TNKS: variants seen among roughly 807,000 people sequenced by gnomAD.
TNKS encodes the protein poly [ADP-ribose] polymerase tankyrase-1.
Under a neutral mutation model 135.8 loss-of-function variants are expected in TNKS, and 72 were observed. The ratio of observed to expected loss-of-function variants is 0.53; its 90% CI spans 0.44 to 0.64. The LOEUF (loss-of-function observed/expected upper bound fraction) is 0.64. TNKS is among the 30% of genes least tolerant of loss of function. The pLI is 0.00. For missense variants in TNKS, 1,769 were observed against 1,674.0 expected, an observed-to-expected ratio of 1.06 and a Z score of -0.99; for synonymous variants, 849 against 649.3, an observed-to-expected ratio of 1.31 and a Z score of -4.68.
chr8:9,654,664 G>A (rs575983589), intron 3 of TNKS, among the ~76,000 whole-genome samples: 2 of 152,206 alleles, frequency 1.3e-5, no homozygotes, highest in Non-Finnish European at 2.9e-5. Context: ...TGTACCTCTA[G>A]ATGATAGATT....
At chr8:9,721,844 G>C (rs1329569041) in intron 12 of TNKS, among the ~76,000 whole-genome samples, 2 of 151,048 alleles carry the variant, frequency 1.3e-5, no homozygotes, top group African/African-American at 4.8e-5. Context: ...ACGAGGTCAG[G>C]AGTTCCAGAC....
At chr8:9,767,278 T>A (rs1195164293) in intron 25 of TNKS, among the ~76,000 whole-genome samples, 2 of 152,202 alleles carry the variant, frequency 1.3e-5, no homozygotes, top group African/African-American at 2.4e-5. Context: ...TTGGAGAGAA[T>A]AATGGTATAA....
At chr8:9,631,679 C>G (rs1800294825) in intron 3 of TNKS, among the ~76,000 whole-genome samples, 1 of 149,902 alleles carries the variant, frequency 6.7e-6, no homozygotes, top group African/African-American at 2.5e-5. Flanking sequence ...TTTTCCAACT[C>G]TTTTTTTGAC....
intron 3 of TNKS, among the ~76,000 whole-genome samples, chr8:9,672,816 C>G (rs143405932): frequency 2.0e-5 from 3 of 151,964 alleles, no homozygotes; most frequent in African/African-American, 7.2e-5. Context: ...AGCTCCCAGA[C>G]TGAACACATA....
chr8:9,674,994 C>T (rs748496165), intron 3 of TNKS, among the ~76,000 whole-genome samples: 6 of 152,218 alleles, frequency 3.9e-5, no homozygotes, highest in Non-Finnish European at 7.4e-5. Context: ...TTGTAATTTA[C>T]CCCAGTTGTT....
chr8:9,740,972 G>C (rs1805927736), intron 17 of TNKS: 1 of 151,750 alleles, frequency 6.6e-6, no homozygotes, highest in Admixed American at 6.6e-5. Context: ...ACCACGCCCA[G>C]CTAATTTTTT....
intron 25 of TNKS, among the ~76,000 whole-genome samples, chr8:9,769,090 G>T (rs1404565436): frequency 6.6e-6 from 1 of 152,170 alleles, no homozygotes; most frequent in African/African-American, 2.4e-5. Flanking sequence ...TTCTTTAAGG[G>T]ATATATAATA....
chr8:9,614,507 A>G (rs1201211843), intron 2 of TNKS, among the ~76,000 whole-genome samples: 1 of 152,212 alleles, frequency 6.6e-6, no homozygotes, highest in African/African-American at 2.4e-5. Flanking sequence ...TGGCTAATAC[A>G]TTAAAGGAAA....
At chr8:9,601,700 G>A (rs1352091793) in intron 2 of TNKS, among the ~76,000 whole-genome samples, 1 of 151,904 alleles carries the variant, frequency 6.6e-6, no homozygotes, top group African/African-American at 2.4e-5. Flanking sequence ...TATCCTTTGT[G>A]ATAAAAAAGC....
chr8:9,648,246 A>T (rs1281210569), intron 3 of TNKS, among the ~76,000 whole-genome samples: 1 of 152,124 alleles, frequency 6.6e-6, no homozygotes, highest in African/African-American at 2.4e-5. Context: ...CGATGAATTA[A>T]CCTTAGCTTC....
Position 9,761,556 on chromosome 8 carries a change from T to G in TNKS, c.3194T>G (p.Leu1065Trp). Reference protein sequence around the residue: ...DVLADMGHEELKEIGINAYGH... With the variant: ...DVLADMGHEEWKEIGINAYGH... ...TTGGCTGATATGGGTCATGAAGAGT[T>G]GAAAGAAATAGGCATCAATGCATAT... The change falls in exon 21 of 27, where the codon TTG becomes TGG. Residue 1065 changes from leucine to tryptophan, a missense_variant. By Grantham distance (61) the Leu-to-Trp change is moderately conservative. Coordinates refer to ENST00000310430, the MANE Select transcript of TNKS (RefSeq NM_003747.3). 1 of 1,611,876 alleles carries G rather than the reference T, an allele frequency of 6.2e-7. No individual in the cohort carries two copies. Among genetic ancestry groups the G allele is most frequent in the Non-Finnish European group, 8.5e-7 (1 of 1,179,594 alleles).
intron 22 of TNKS, 98 bp downstream of exon 22, chr8:9,763,342 C>T: frequency 1.4e-6 from 1 of 704,994 alleles, no homozygotes; most frequent in Admixed American, 2.6e-5. Context: ...CTTGCGGTCA[C>T]ATGCCTATTA....
At chr8:9,635,707 T>C (rs1800484160) in intron 3 of TNKS, among the ~76,000 whole-genome samples, 2 of 152,218 alleles carry the variant, frequency 1.3e-5, no homozygotes, top group South Asian at 4.1e-4. Context: ...ACATTTCTTA[T>C]GTTGTATTCT....
rs1435382444 is a variant in TNKS at position 9,751,021 on chromosome 8, T to A, written c.2833-588T>A. On this transcript the variant is annotated intron_variant, in intron 18 of 26. Coordinates refer to ENST00000310430, the MANE Select transcript of TNKS (RefSeq NM_003747.3). Reference sequence around the variant, plus strand: ...GCCTCAGAATGTCACTTCTTCTCCATTCTATTGGTCAAGACAACTCACAGG... The same window carrying A: ...GCCTCAGAATGTCACTTCTTCTCCAATCTATTGGTCAAGACAACTCACAGG... Among the ~76,000 whole-genome samples, 3 of 152,152 alleles carry A rather than the reference T, an allele frequency of 2.0e-5. No homozygotes were observed. The East Asian group carries it at 5.8e-4, about 29-fold the overall frequency.
At chr8:9,565,840 G>C (rs1171452893) in intron 1 of TNKS, among the ~76,000 whole-genome samples, 6 of 152,038 alleles carry the variant, frequency 3.9e-5, no homozygotes, top group Non-Finnish European at 8.8e-5. Flanking sequence ...CTGGGTGACA[G>C]AGCAAGACTC....
At chr8:9,556,936 T>A (rs1162507180) in intron 1 of TNKS, 4 of 495,766 alleles carry the variant, frequency 8.1e-6, no homozygotes, top group South Asian at 7.6e-5. Context: ...TTGGACAGCT[T>A]TAGAGTAGTT....
chr8:9,682,902 C>G (rs1414823400), intron 5 of TNKS, among the ~76,000 whole-genome samples: 1 of 151,830 alleles, frequency 6.6e-6, no homozygotes, highest in Non-Finnish European at 1.5e-5. Flanking sequence ...GAACGTACCT[C>G]AAGCATTATT....
chr8:9,740,826 G>GTTTTTCTTTTTTTTTTTTTTT (rs1805909006), intron 17 of TNKS: 1 of 103,566 alleles, frequency 9.7e-6, no homozygotes, highest in East Asian at 3.1e-4. Context: ...AATTCTTGTT[G>GTTTTTCTTTTTTTTTTTTTTT]TTTTTTTTTT....
At chr8:9,748,278 G>C in intron 18 of TNKS, 66 bp downstream of exon 18, 1 of 1,291,498 alleles carries the variant, frequency 7.7e-7, no homozygotes, top group Non-Finnish European at 1.0e-6. Context: ...CAGATTCTCG[G>C]GTTCACCAGC....
Sources: allele counts gnomAD v4.1 joint callset (sites outside exome capture counted in the v4.1 genomes callset), GRCh38; gene constraint gnomAD v4.1.1; transcripts MANE v1.5; gene names NCBI Gene and HGNC (gene_info 2026-07-23, HGNC 2026-07-21).